Variants in CD276 observed in about 807,000 individuals in gnomAD.
The protein encoded by CD276 is CD276 molecule, also known as CD276 antigen.
A neutral mutation model predicts 50.0 loss-of-function variants in CD276; 34 were observed. The observed-to-expected ratio is 0.68, with a 90% CI of 0.52 to 0.91. The LOEUF is 0.91. CD276 is among the 40% of genes least tolerant of loss of function. The probability of loss-of-function intolerance (pLI) is 0.00; values close to 1 mark genes in which losing one functional copy is unlikely to be tolerated. For synonymous variants in CD276, 275 were observed against 313.0 expected (o/e 0.88, Z 1.28); for missense variants, 634 against 717.5 (o/e 0.88, Z 1.33).
rs1249384867 is a variant in CD276, at chr15:73,713,953, CAACT to C, written c.*1003_*1006del. The C allele has an allele frequency of 5.4e-6, 2 of 367,360 alleles. No individual in the cohort carries two copies. The highest frequency in any genetic ancestry group is 2.3e-5 in the African/African-American group (1 of 44,052). The allele number at this position is 367,360 out of a possible 1,614,324, so 22.8% of individuals were successfully genotyped here. On this transcript the variant is annotated 3_prime_UTR_variant, in exon 10 of 10. Coordinates refer to ENST00000318443, the MANE Select transcript of CD276 (RefSeq NM_001024736.2). Reference sequence around the variant, plus strand: ...ACTCCCCATCCAGCTGGGAGACAGACAACTAACTACACTGCACCCTGCGGTTTGC... The same window carrying C: ...ACTCCCCATCCAGCTGGGAGACAGACAACTACACTGCACCCTGCGGTTTGC...
At chr15:73,684,148 T>C, upstream of CD276, 1 of 127,186 alleles carries the variant, frequency 7.9e-6, no homozygotes, top group Non-Finnish European at 1.6e-5. Context: ...AGCGCCCTGC[T>C]CCGGGAGCCG....
intron 2 of CD276, among the ~76,000 whole-genome samples, chr15:73,700,403 C>T (rs530743670): frequency 1.3e-5 from 2 of 152,330 alleles, no homozygotes; most frequent in East Asian, 3.9e-4. Flanking sequence ...CGGCTTCCTC[C>T]GTGGGGAAGA....
chr15:73,704,402 T>A lies in CD276; in HGVS notation c.1299T>A (p.Asn433Lys), dbSNP rs1020041347. ...HSVLRVVLGA[N>K]GTYSCLVRNP... ...TCCTGCGGGTGGTGCTGGGTGCGAA[T>A]GGCACCTACAGCTGCCTGGTGCGCA... The change falls in exon 6 of 10, where the codon AAT (asparagine) becomes AAA (lysine). Residue 433 changes from asparagine (N) to lysine (K), a missense_variant. Asn to Lys is a moderately conservative substitution (Grantham distance 94). Coordinates refer to ENST00000318443, the MANE Select transcript of CD276 (RefSeq NM_001024736.2). This position sits in a 1 kb window ranked among gnomAD's most constrained non-coding sequence, Gnocchi z 4.1. 1 of 1,613,980 alleles carries A rather than the reference T, an allele frequency of 6.2e-7. No homozygotes were observed. The highest frequency in any genetic ancestry group is 8.5e-7 in the Non-Finnish European group (1 of 1,180,054).
At chr15:73,700,598 G>A (rs1900341544) in intron 2 of CD276, among the ~76,000 whole-genome samples, 1 of 152,176 alleles carries the variant, frequency 6.6e-6, no homozygotes, top group African/African-American at 2.4e-5. Flanking sequence ...CTGGCCTGGG[G>A]CACCAGGGGT....
chr15:73,709,750 A>T, intron 8 of CD276, 61 bp downstream of exon 8: 24 of 1,535,772 alleles, frequency 1.6e-5, no homozygotes, highest in Non-Finnish European at 2.0e-5. Flanking sequence ...GAAAGGAGAG[A>T]GGACTCTAGG....
In CD276 at chr15:73,708,467, A is replaced by G; in HGVS notation, c.1498A>G (p.Asn500Asp). ...GATCAAACAGAGCTGTGAGGAGGAG[A>G]ATGCAGGTGAGTGTGTGTGTATGTG... ...RKIKQSCEEE[N>D]AGAEDQDGEG... The change falls in exon 7 of 10, where the codon AAT becomes GAT. Residue 500 changes from asparagine (N) to aspartate (D), a missense_variant. Coordinates refer to ENST00000318443, the MANE Select transcript of CD276 (RefSeq NM_001024736.2). 6.2e-7 allele frequency: 1 copy of G among 1,613,266 alleles called. No homozygotes were observed. Among genetic ancestry groups the G allele is most frequent in the Non-Finnish European group, 8.5e-7 (1 of 1,179,716 alleles).
intron 2 of CD276, among the ~76,000 whole-genome samples, chr15:73,700,359 A>G (rs2141558947): frequency 6.6e-6 from 1 of 152,290 alleles, no homozygotes; most frequent in East Asian, 1.9e-4. Context: ...TCCTCATCAC[A>G]TTTCAAATTC....
intron 1 of CD276, among the ~76,000 whole-genome samples, chr15:73,699,304 G>A (rs1467872130): frequency 6.6e-6 from 1 of 152,192 alleles, no homozygotes; most frequent in African/African-American, 2.4e-5. Context: ...GCCTTCACTT[G>A]CCGCCTTGCC....
chr15:73,698,853 C>A (rs1036556428), intron 1 of CD276, among the ~76,000 whole-genome samples: 6 of 152,224 alleles, frequency 3.9e-5, no homozygotes, highest in Admixed American at 3.9e-4. Context: ...TGAGCCACTG[C>A]ACTCAGCCTG....
intron 1 of CD276, among the ~76,000 whole-genome samples, chr15:73,699,206 G>T (rs1900282623): frequency 6.6e-6 from 1 of 152,112 alleles, no homozygotes; most frequent in South Asian, 2.1e-4. Flanking sequence ...TCTAAGTCTG[G>T]CCCCCACAGG....
Position 73,704,216 on chromosome 15 carries a change from G to A in CD276, c.1113G>A (p.Lys371=). The A allele has an allele frequency of 6.2e-7, 1 of 1,614,044 alleles. No individual in the cohort carries two copies. The highest frequency in any genetic ancestry group is 1.1e-5 in the South Asian group (1 of 91,060). The change falls in exon 6 of 10, where the codon AAG becomes AAA. Residue 371 remains lysine, a synonymous_variant. Coordinates refer to ENST00000318443, the MANE Select transcript of CD276 (RefSeq NM_001024736.2). The surrounding 1 kb of genome is among the most constrained non-coding windows in gnomAD (Gnocchi z 4.1). The stretch of plus-strand genomic sequence containing the variant: ...CCAGCATGACCCTGGAGCCCAACAA[G>A]GACCTGCGGCCAGGGGACACGGTGA... ...SKPSMTLEPN[K]DLRPGDTVTI...
intron 2 of CD276, among the ~76,000 whole-genome samples, chr15:73,700,321 A>G (rs919886473): frequency 5.9e-5 from 9 of 152,242 alleles, no homozygotes; most frequent in African/African-American, 9.6e-5. Flanking sequence ...GGAAGCACTC[A>G]ATAATAATAG....
chr15:73,703,547 G>A (rs563218488), intron 4 of CD276, 112 bp from the exon 5 acceptor site: 30 of 854,738 alleles, frequency 3.5e-5, no homozygotes, highest in Non-Finnish European at 5.1e-5. Context: ...AAGAAAATAG[G>A]AAGATGGAAC....
Position 73,704,739 on chromosome 15 carries a change from A to C in CD276, c.1369+267A>C, listed in dbSNP as rs1472558166. ...AGGTACCTGCCCGAAATTTGGAGGC[A>C]TGGGCAGGAATTCTGGGGCAGCCAC... On this transcript the variant is annotated intron_variant, in intron 6 of 9. Transcript: ENST00000318443. The surrounding 1 kb of genome is among the most constrained non-coding windows in gnomAD (Gnocchi z 4.1). 6.6e-6 allele frequency among the ~76,000 whole-genome samples: 1 copy of C among 152,178 alleles called. No individual in the cohort carries two copies. Among genetic ancestry groups the C allele is most frequent in the East Asian group, 1.9e-4 (1 of 5,182 alleles).
At chr15:73,712,681 C>T (rs1327899249) in intron 9 of CD276, among the ~76,000 whole-genome samples, 1 of 152,028 alleles carries the variant, frequency 6.6e-6, no homozygotes, top group Non-Finnish European at 1.5e-5. Flanking sequence ...GGGCTGTGGG[C>T]CTGTGGGTAC....
intron 3 of CD276, 56 bp from the exon 4 acceptor site, chr15:73,702,716 C>T (rs1900453292): frequency 1.9e-6 from 3 of 1,579,028 alleles, no homozygotes; most frequent in Non-Finnish European, 2.6e-6. Flanking sequence ...CCCCATGCAT[C>T]CTTTTCGTCC....
In CD276 at chr15:73,697,040, C is replaced by T. The variant is rs182548901; in HGVS notation, c.-54-2546C>T. Among the ~76,000 whole-genome samples, 348 of 152,182 alleles carry T rather than the reference C, an allele frequency of 2.3e-3. 5 individuals are homozygous for T. Among genetic ancestry groups the T allele is most frequent in the Admixed American group, 8.1e-3 (124 of 15,294 alleles). On this transcript the variant is annotated intron_variant, in intron 1 of 9. Transcript: ENST00000318443. ...GAGGCAGGGAGATGTGGAATCTGGG[C>T]GTTCGTTCATCCTTAGCCCTGGTGC...
At chr15:73,688,128 G>A (rs1352351803) in intron 1 of CD276, among the ~76,000 whole-genome samples, 1 of 152,086 alleles carries the variant, frequency 6.6e-6, no homozygotes. Flanking sequence ...GCACTGATAG[G>A]GCTCTAGGTG....
Position 73,704,960 on chromosome 15 carries a change from C to G in CD276, c.1369+488C>G, listed in dbSNP as rs569324041. Among the ~76,000 whole-genome samples, 2 of 152,186 alleles carry G rather than the reference C, an allele frequency of 1.3e-5. No individual in the cohort carries two copies. The highest frequency in any genetic ancestry group is 3.9e-4 in the East Asian group (2 of 5,194). On this transcript the variant is annotated intron_variant, in intron 6 of 9. Transcript: ENST00000318443. The surrounding 1 kb of genome is among the most constrained non-coding windows in gnomAD (Gnocchi z 4.1). ...CAGACTTGCGCTCCACCCAGGCAGC[C>G]GTTGGATGGGCAGGGGCTGTCTCTG...
Sources: gnomAD v4.1 joint callset for allele counts (sites outside exome capture counted in the v4.1 genomes callset) on GRCh38, gnomAD v4.1.1 for gene constraint, Gnocchi (gnomAD v3.1) non-coding constraint, MANE v1.5 for transcripts, NCBI Gene and HGNC (gene_info 2026-07-23, HGNC 2026-07-21) for gene names.